Variants in KIF13B observed in about 807,000 individuals in gnomAD.
KIF13B encodes the protein kinesin family member 13B.
KIF13B carries 127 observed loss-of-function variants against 222.0 expected under a neutral mutation model. That is an observed-to-expected ratio of 0.57 (90% CI 0.50 to 0.66). The LOEUF (loss-of-function observed/expected upper bound fraction) is 0.66, where lower values mean the gene tolerates loss of function less well. Among genes scored for constraint, KIF13B ranks in the 30% least tolerant of loss-of-function variants. The pLI, the probability that KIF13B is intolerant of heterozygous loss-of-function variation, is 0.00. For synonymous variants in KIF13B, 976 were observed against 919.0 expected, an observed-to-expected ratio of 1.06 and a Z score of -1.12; for missense variants, 2,173 against 2,379.0, an observed-to-expected ratio of 0.91 and a Z score of 1.80.
rs1388127016 is a variant in KIF13B at position 29,245,895 on chromosome 8, T to A, written c.56-456A>T. ...GTTTCTGTATACCAGCAATGAAAAA[T>A]CTGAAAGTGAAATTAAGAAAACAAT... On this transcript the variant is annotated intron_variant, in intron 1 of 39. Transcript: ENST00000524189. Among the ~76,000 whole-genome samples, 9 of 152,256 alleles carry A rather than the reference T, an allele frequency of 5.9e-5. No individual in the cohort carries two copies. In the East Asian group the frequency reaches 1.7e-3, roughly 29 times the overall value.
At chr8:29,164,588 A>T (rs1029945523) in intron 12 of KIF13B, among the ~76,000 whole-genome samples, 5 of 152,228 alleles carry the variant, frequency 3.3e-5, no homozygotes, top group African/African-American at 1.2e-4. Flanking sequence ...TCTTAGCTAC[A>T]AAAGAACAAA....
At chr8:29,144,793 A>C (rs1182725087) in intron 18 of KIF13B, among the ~76,000 whole-genome samples, 7 of 152,202 alleles carry the variant, frequency 4.6e-5, no homozygotes, top group Non-Finnish European at 8.8e-5. Flanking sequence ...ACAGGACTTT[A>C]AACAACTTTT....
chr8:29,211,104 G>T lies in KIF13B; in HGVS notation c.150-14905C>A, dbSNP rs149285141. Among the ~76,000 whole-genome samples the T allele has an allele frequency of 1.2e-4, 18 of 152,350 alleles. No individual in the cohort carries two copies. The East Asian group carries it at 3.5e-3, about 29-fold the overall frequency. Reference sequence around the variant, plus strand: ...GTAAGACTGAGACAGCTCAGAAGTGGTGCCTTCTTCTAATTGGTCTGGCCA... The same window carrying T: ...GTAAGACTGAGACAGCTCAGAAGTGTTGCCTTCTTCTAATTGGTCTGGCCA... On this transcript the variant is annotated intron_variant, in intron 2 of 39. Transcript: ENST00000524189.
At chr8:29,226,840 T>A (rs1815048734) in intron 2 of KIF13B, among the ~76,000 whole-genome samples, 1 of 152,232 alleles carries the variant, frequency 6.6e-6, no homozygotes, top group South Asian at 2.1e-4. Context: ...TCGTTGTTAA[T>A]TGTAGCTAAA....
chr8:29,106,282 T>C (rs1174453295), intron 35 of KIF13B, among the ~76,000 whole-genome samples: 2 of 152,158 alleles, frequency 1.3e-5, no homozygotes, highest in African/African-American at 4.8e-5. Flanking sequence ...AATTTGTATG[T>C]CTACAAACAT....
At chr8:29,195,731 C>G (rs1476101612) in intron 3 of KIF13B, among the ~76,000 whole-genome samples, 1 of 152,170 alleles carries the variant, frequency 6.6e-6, no homozygotes, top group Non-Finnish European at 1.5e-5. Context: ...CAGGAATGCA[C>G]CCCCAGCTGT....
At chr8:29,172,412 T>G (rs1486872838) in intron 10 of KIF13B, among the ~76,000 whole-genome samples, 4 of 152,148 alleles carry the variant, frequency 2.6e-5, no homozygotes, top group African/African-American at 9.7e-5. Flanking sequence ...AAAAAGATAA[T>G]GACAAATATT....
chr8:29,123,893 C>T (rs1809990193), intron 27 of KIF13B, 131 bp downstream of exon 27: 1 of 640,182 alleles, frequency 1.6e-6, no homozygotes, highest in African/African-American at 1.8e-5. Flanking sequence ...CAAAGAGTAA[C>T]ACTCATCTGC....
intron 35 of KIF13B, among the ~76,000 whole-genome samples, chr8:29,104,905 C>G (rs1051167304): frequency 6.6e-6 from 1 of 151,758 alleles, no homozygotes; most frequent in Non-Finnish European, 1.5e-5. Context: ...CCACCTCGCC[C>G]GGCTAATTTT....
chr8:29,107,659 C>G (rs1211542304), intron 35 of KIF13B, among the ~76,000 whole-genome samples: 1 of 150,802 alleles, frequency 6.6e-6, no homozygotes, highest in Non-Finnish European at 1.5e-5. Context: ...CCCCGGGGTT[C>G]ACACCATTCT....
At chr8:29,189,179 T>A (rs1813069156) in intron 4 of KIF13B, 1 of 152,188 alleles carries the variant, frequency 6.6e-6, no homozygotes, top group Non-Finnish European at 1.5e-5. Context: ...AGTCAGTAAT[T>A]GAATGTGAAT....
In KIF13B at chr8:29,125,747, GA is replaced by G. The variant is rs34392914; in HGVS notation, c.3252+734del. On this transcript the variant is annotated intron_variant, in intron 26 of 39. Coordinates refer to ENST00000524189, the MANE Select transcript of KIF13B (RefSeq NM_015254.4). ...AGGAGGTTAGGAAAAGAAAACAAAG[GA>G]AAAAAAAAAAAAGATTCCAAATGCT... Among the ~76,000 whole-genome samples, 1,253 of 143,390 alleles carry G rather than the reference GA, an allele frequency of 8.7e-3. 12 individuals are homozygous for G. Among genetic ancestry groups the G allele is most frequent in the African/African-American group, 0.025 (945 of 38,346 alleles). The allele number at this position is 143,390 out of a possible 152,430, so 94.1% of individuals were successfully genotyped here.
chr8:29,182,342 C>T (rs931575002), intron 6 of KIF13B, among the ~76,000 whole-genome samples: 14 of 151,998 alleles, frequency 9.2e-5, no homozygotes, highest in African/African-American at 2.7e-4. Context: ...GTTAACTGTG[C>T]GAGAAAGGAA....
chr8:29,249,017 A>G (rs1287169112), intron 1 of KIF13B, among the ~76,000 whole-genome samples: 4 of 152,222 alleles, frequency 2.6e-5, no homozygotes, highest in African/African-American at 7.2e-5. Flanking sequence ...TGATGTCTCA[A>G]TACAGCTGTT....
intron 24 of KIF13B, among the ~76,000 whole-genome samples, chr8:29,127,796 AATAATCATAC>A (rs1320821519): frequency 6.6e-6 from 1 of 152,198 alleles, no homozygotes; most frequent in African/African-American, 2.4e-5. Flanking sequence ...GAGCTAAGTA[AATAATCATAC>A]ATATACACAA....
chr8:29,156,253 G>C (rs539091319), intron 13 of KIF13B, among the ~76,000 whole-genome samples: 107 of 152,268 alleles, frequency 7.0e-4, no homozygotes, highest in African/African-American at 2.6e-3. Context: ...TTACAGGTGT[G>C]AGTCACCATG....
At chr8:29,095,095 A>C (rs1467868793) in intron 36 of KIF13B, among the ~76,000 whole-genome samples, 1 of 152,190 alleles carries the variant, frequency 6.6e-6, no homozygotes, top group Non-Finnish European at 1.5e-5. Context: ...TTAATGAATA[A>C]TGTCTAAACA....
chr8:29,101,654 GACAA>G (rs911729421), intron 35 of KIF13B, among the ~76,000 whole-genome samples: 20 of 152,266 alleles, frequency 1.3e-4, no homozygotes, highest in African/African-American at 4.1e-4. Context: ...TGCAGAGCGT[GACAA>G]ACAGAGACAC....
At chr8:29,102,397 C>T (rs1306605733) in intron 35 of KIF13B, among the ~76,000 whole-genome samples, 1 of 152,220 alleles carries the variant, frequency 6.6e-6, no homozygotes, top group Non-Finnish European at 1.5e-5. Flanking sequence ...TGGATCCTTA[C>T]CCAGCTTTAC....
Sources: gnomAD v4.1 joint callset for allele counts (sites outside exome capture counted in the v4.1 genomes callset) on GRCh38, gnomAD v4.1.1 for gene constraint, MANE v1.5 for transcripts, NCBI Gene and HGNC (gene_info 2026-07-23, HGNC 2026-07-21) for gene names.